Variants in DIS3L2 observed in about 807,000 individuals in gnomAD.
The protein encoded by DIS3L2 is DIS3 like 3'-5' exoribonuclease 2.
Under a neutral mutation model 97.5 loss-of-function variants are expected in DIS3L2, and 34 were observed. That is an observed-to-expected ratio of 0.35 (90% CI 0.27 to 0.46). DIS3L2 has a LOEUF of 0.46. Ranked by LOEUF, DIS3L2 falls within the 20% of genes least tolerant of loss-of-function variation. DIS3L2 has a pLI of 1.00. For synonymous variants in DIS3L2, 435 were observed against 445.2 expected (o/e 0.98, Z 0.29); for missense variants, 1,038 against 1,146.0 (o/e 0.91, Z 1.36).
At chr2:232,161,069 C>T (rs956104409) in intron 8 of DIS3L2, among the ~76,000 whole-genome samples, 6 of 152,070 alleles carry the variant, frequency 3.9e-5, no homozygotes, top group African/African-American at 1.4e-4. Context: ...GGGCATGCAC[C>T]ATCACGCCCA....
intron 1 of DIS3L2, among the ~76,000 whole-genome samples, chr2:231,975,928 CCTT>C (rs1358780507): frequency 6.6e-5 from 10 of 151,794 alleles, no homozygotes; most frequent in African/African-American, 2.4e-4. Flanking sequence ...TCCCAGTCCT[CCTT>C]CTTCTTCTCT....
In DIS3L2 at chr2:232,336,860, C is replaced by A. The variant is rs1352642443; in HGVS notation, c.*230C>A. Reference sequence around the variant, plus strand: ...GCAGTGACCCCAGCAGAGCAGGCCCCAGTCCTCCTGGGAGGCTGGCCCCCC... The same window carrying A: ...GCAGTGACCCCAGCAGAGCAGGCCCAAGTCCTCCTGGGAGGCTGGCCCCCC... On this transcript the variant is annotated 3_prime_UTR_variant, in exon 21 of 21. Transcript: ENST00000325385. 7.3e-6 allele frequency: 10 copies of A among 1,364,678 alleles called. No homozygotes were observed. The highest frequency in any genetic ancestry group is 1.6e-5 in the South Asian group (1 of 62,414). The allele number at this position is 1,364,678 out of a possible 1,614,324, so 84.5% of individuals were successfully genotyped here.
intron 13 of DIS3L2, among the ~76,000 whole-genome samples, chr2:232,297,674 T>G (rs1027127331): frequency 6.6e-6 from 1 of 151,812 alleles, no homozygotes; most frequent in African/African-American, 2.4e-5. Context: ...TAGGCACTGT[T>G]GCTGTTTAGG....
intron 6 of DIS3L2, among the ~76,000 whole-genome samples, chr2:232,126,796 T>C (rs1256250728): frequency 2.6e-5 from 4 of 152,108 alleles, no homozygotes; most frequent in African/African-American, 9.7e-5. Context: ...ATTTCCCCCC[T>C]ATTCTAGTTC....
chr2:231,988,442 C>T (rs562519543), intron 1 of DIS3L2, among the ~76,000 whole-genome samples: 220 of 152,348 alleles, frequency 1.4e-3, no homozygotes, highest in Admixed American at 3.7e-3. Flanking sequence ...ACTTAGAGGT[C>T]ATCAAGCTTT....
At chr2:232,059,857 A>G (rs1695653429) in intron 5 of DIS3L2, among the ~76,000 whole-genome samples, 1 of 152,032 alleles carries the variant, frequency 6.6e-6, no homozygotes, top group Admixed American at 6.6e-5. Flanking sequence ...GTATATGTGT[A>G]CCACATTTTC....
At chr2:232,101,520 C>T (rs894422161) in intron 6 of DIS3L2, among the ~76,000 whole-genome samples, 2 of 152,176 alleles carry the variant, frequency 1.3e-5, no homozygotes, top group African/African-American at 4.8e-5. Context: ...AATTAATTCT[C>T]ATTACATTAG....
In DIS3L2 at chr2:232,103,810, A is replaced by G. The variant is rs142514960; in HGVS notation, c.601+16089A>G. ...GGGCTAGAGCTTTCTTTAGTTGGCA[A>G]CTTTCTCAATCTCCGGTGATTATTG... is the stretch of plus-strand genomic sequence containing the variant. On this transcript the variant is annotated intron_variant, in intron 6 of 20. Coordinates refer to ENST00000325385, the MANE Select transcript of DIS3L2 (RefSeq NM_152383.5). Among the ~76,000 whole-genome samples the G allele has an allele frequency of 5.9e-5, 9 of 152,320 alleles. No individual in the cohort carries two copies. In the East Asian group the frequency reaches 9.7e-4, roughly 16 times the overall value.
intron 14 of DIS3L2, among the ~76,000 whole-genome samples, chr2:232,324,146 A>G (rs1695512765): frequency 1.3e-5 from 2 of 152,170 alleles, no homozygotes; most frequent in Non-Finnish European, 2.9e-5. Context: ...CATGGAGAAG[A>G]GGCCATGGTT....
chr2:232,333,076 A>G (rs939832966), intron 16 of DIS3L2, among the ~76,000 whole-genome samples: 7 of 149,394 alleles, frequency 4.7e-5, no homozygotes, highest in East Asian at 3.9e-4. Context: ...TGGTCCAACA[A>G]AACCGCAGGC....
intron 16 of DIS3L2, among the ~76,000 whole-genome samples, chr2:232,332,793 A>G (rs1695779214): frequency 6.6e-6 from 1 of 152,154 alleles, no homozygotes; most frequent in Non-Finnish European, 1.5e-5. Flanking sequence ...AGTATTGGCG[A>G]GCACAGAGGT....
intron 5 of DIS3L2, among the ~76,000 whole-genome samples, chr2:232,080,034 A>G (rs1427578913): frequency 6.6e-6 from 1 of 152,246 alleles, no homozygotes; most frequent in Non-Finnish European, 1.5e-5. Context: ...TATTGGTCCA[A>G]AATGGAAATA....
intron 8 of DIS3L2, among the ~76,000 whole-genome samples, chr2:232,163,258 G>A (rs906829375): frequency 6.6e-6 from 1 of 152,160 alleles, no homozygotes; most frequent in African/African-American, 2.4e-5. Flanking sequence ...AAATTACACT[G>A]TAGTTACCGA....
chr2:232,285,665 G>A (rs1694409252), intron 13 of DIS3L2, among the ~76,000 whole-genome samples: 1 of 152,056 alleles, frequency 6.6e-6, no homozygotes, highest in African/African-American at 2.4e-5. Context: ...TTCCAGGTTG[G>A]CCGGGGTTGA....
chr2:231,996,850 C>T (rs745609868), intron 1 of DIS3L2, among the ~76,000 whole-genome samples: 1 of 152,178 alleles, frequency 6.6e-6, no homozygotes, highest in Non-Finnish European at 1.5e-5. Flanking sequence ...TGTCTTTATA[C>T]TTGTCATACT....
At chr2:231,973,299 C>CAT (rs398105433) in intron 1 of DIS3L2, among the ~76,000 whole-genome samples, 6 of 152,042 alleles carry the variant, frequency 3.9e-5, no homozygotes, top group African/African-American at 7.2e-5. Context: ...CACACACACA[C>CAT]GTATATATTT....
intron 14 of DIS3L2, among the ~76,000 whole-genome samples, chr2:232,306,625 T>C (rs1163737428): frequency 6.6e-6 from 1 of 152,246 alleles, no homozygotes; most frequent in Non-Finnish European, 1.5e-5. Flanking sequence ...ATCGGAGATC[T>C]GAATAAACTT....
chr2:232,090,707 A>T (rs940467162), intron 6 of DIS3L2, among the ~76,000 whole-genome samples: 1 of 152,206 alleles, frequency 6.6e-6, no homozygotes, highest in Non-Finnish European at 1.5e-5. Flanking sequence ...TTTGTGTTCT[A>T]CTTGCAAGTG....
intron 1 of DIS3L2, chr2:231,978,362 A>G (rs1037077981): frequency 6.6e-6 from 1 of 152,160 alleles, no homozygotes; most frequent in Admixed American, 6.5e-5. Flanking sequence ...ACTGTGGTTT[A>G]ATTTTACATG....
Sources: allele counts gnomAD v4.1 joint callset (sites outside exome capture counted in the v4.1 genomes callset), GRCh38; gene constraint gnomAD v4.1.1; transcripts MANE v1.5; gene names NCBI Gene and HGNC (gene_info 2026-07-23, HGNC 2026-07-21).